KLHDC4: variants seen among roughly 807,000 people sequenced by gnomAD.
KLHDC4 encodes kelch domain-containing protein 4.
A neutral mutation model predicts 62.4 loss-of-function variants in KLHDC4; 90 were observed. The observed-to-expected ratio is 1.44, with a 90% confidence interval of 1.22 to 1.72. The LOEUF (loss-of-function observed/expected upper bound fraction) is 1.72, where lower values mean the gene tolerates loss of function less well. KLHDC4 is among the 40% of genes most tolerant of loss of function. The pLI is 0.00. For missense variants in KLHDC4, 1,025 were observed against 699.7 expected (o/e 1.47, Z -5.25); for synonymous variants, 386 against 284.4 (o/e 1.36, Z -3.59).
intron 5 of KLHDC4, among the ~76,000 whole-genome samples, chr16:87,735,342 T>C (rs1420782978): frequency 1.3e-5 from 2 of 148,950 alleles, no homozygotes; most frequent in Non-Finnish European, 3.0e-5. Flanking sequence ...CCAGTGTGTC[T>C]GCATCCAAGT....
intron 5 of KLHDC4, among the ~76,000 whole-genome samples, chr16:87,733,729 C>T (rs2040800417): frequency 7.2e-6 from 1 of 138,704 alleles, no homozygotes. Flanking sequence ...GGGATCCTCA[C>T]TGATGACCTG....
At position 87,748,766 on chromosome 16, in the gene KLHDC4, C is replaced by G. The variant is rs759230313; in HGVS notation, c.413G>C (p.Gly138Ala). ...TCCGTTGGGAGAGGCAAACTCCCCTCCAAAGACCCACAGCTGTCCGCCACC... is the reference window on the plus strand; with the variant it reads ...TCCGTTGGGAGAGGCAAACTCCCCTGCAAAGACCCACAGCTGTCCGCCACC... ...PQGGGQLWVF[G>A]GEFASPNGEQ... Residue 138 changes from glycine (G) to alanine (A), a missense_variant, in exon 5 of 12, where the codon GGA (glycine) becomes GCA (alanine). Transcript: ENST00000270583. 2 of 1,613,388 alleles carry G rather than the reference C, an allele frequency of 1.2e-6. No individual in the cohort carries two copies. The highest frequency in any genetic ancestry group is 2.7e-5 in the African/African-American group (2 of 74,752).
chr16:87,756,933 C>T (rs1331925077), intron 2 of KLHDC4, among the ~76,000 whole-genome samples: 1 of 151,952 alleles, frequency 6.6e-6, no homozygotes, highest in Non-Finnish European at 1.5e-5. Flanking sequence ...CCTGCCTCAG[C>T]CCTCCGAGTG....
chr16:87,703,603 C>G (rs568849642), downstream of KLHDC4, among the ~76,000 whole-genome samples: 5 of 152,378 alleles, frequency 3.3e-5, no homozygotes, highest in Non-Finnish European at 7.3e-5. Flanking sequence ...ACCTGCGCTT[C>G]TCACCCCTCA....
Position 87,751,999 on chromosome 16 carries a change from C to T in KLHDC4, c.370-3190G>A, listed in dbSNP as rs2044048282. Among the ~76,000 whole-genome samples, 5 of 137,132 alleles carry T rather than the reference C, an allele frequency of 3.6e-5. No homozygotes were observed. In the South Asian group the frequency reaches 9.3e-4, roughly 25 times the overall value. 90.0% of individuals were successfully genotyped at this position (137,132 alleles called of 152,430 possible). A position where few individuals can be genotyped will look rare whatever the true frequency, so the allele number is the denominator to read the frequency against. ...CTGAGGCAGGAGAATGGCATGAACC[C>T]GGGAGGCATGAACCCGGGAGGCGGA... is the stretch of plus-strand genomic sequence containing the variant. On this transcript the variant is annotated intron_variant, in intron 4 of 11. Coordinates refer to ENST00000270583, the MANE Select transcript of KLHDC4 (RefSeq NM_017566.4).
At chr16:87,718,940 G>A (rs563308419) in intron 7 of KLHDC4, among the ~76,000 whole-genome samples, 11 of 149,028 alleles carry the variant, frequency 7.4e-5, no homozygotes, top group South Asian at 2.1e-4. Flanking sequence ...GGTGAGGAGC[G>A]TCTCTGCCCG....
chr16:87,751,643 G>T (rs888209989), intron 4 of KLHDC4, among the ~76,000 whole-genome samples: 1 of 152,134 alleles, frequency 6.6e-6, no homozygotes, highest in Admixed American at 6.5e-5. Flanking sequence ...TCCTGGCCAG[G>T]TGCAGTGGCT....
chr16:87,709,116 G>A (rs532525599), intron 10 of KLHDC4, 149 bp downstream of exon 10: 131 of 1,045,524 alleles, frequency 1.3e-4, no homozygotes, highest in South Asian at 3.9e-4. Context: ...CCTGTTCTCC[G>A]TCAATCTGAC....
intron 7 of KLHDC4, among the ~76,000 whole-genome samples, chr16:87,716,215 T>C (rs538539065): frequency 4.0e-4 from 61 of 152,154 alleles, no homozygotes; most frequent in African/African-American, 1.1e-3. Context: ...CTTGTGGATA[T>C]TGACGTAGAC....
intron 11 of KLHDC4, 28 bp downstream of exon 11, chr16:87,708,322 C>A: frequency 6.9e-7 from 1 of 1,447,342 alleles, no homozygotes; most frequent in African/African-American, 1.4e-5. Context: ...CCAGCAGCCG[C>A]GCCACCCGCC....
At chr16:87,706,373 G>C (rs940854514), downstream of KLHDC4, among the ~76,000 whole-genome samples, 1 of 135,348 alleles carries the variant, frequency 7.4e-6, no homozygotes, top group Admixed American at 7.5e-5. Context: ...CAGCCCTTGG[G>C]GGGGTCGGCG....
chr16:87,712,776 C>T (rs1274549828), intron 8 of KLHDC4, among the ~76,000 whole-genome samples: 1 of 152,354 alleles, frequency 6.6e-6, no homozygotes, highest in Non-Finnish European at 1.5e-5. Flanking sequence ...GGTAAAAACA[C>T]TTTGCACAAT....
Position 87,756,494 on chromosome 16 carries a change from C to T in KLHDC4, c.192-17G>A, listed in dbSNP as rs151094504. ...GCATTTAACCTACAAGACACACAAGCGGCAGGTCAGCAAGATCACCCCCGA... is the reference window on the plus strand; with the variant it reads ...GCATTTAACCTACAAGACACACAAGTGGCAGGTCAGCAAGATCACCCCCGA... On this transcript the variant is annotated splice_polypyrimidine_tract_variant and intron_variant, in intron 2 of 11. Transcript: ENST00000270583. The T allele has an allele frequency of 7.5e-6, 12 of 1,605,648 alleles. No individual in the cohort carries two copies. The African/African-American group carries it at 1.1e-4, about 14-fold the overall frequency.
intron 7 of KLHDC4, among the ~76,000 whole-genome samples, chr16:87,717,386 GA>G (rs947236667): frequency 2.0e-5 from 3 of 151,718 alleles, no homozygotes; most frequent in Admixed American, 2.0e-4. Context: ...TACTATAATG[GA>G]AAAAAAACAT....
chr16:87,749,981 G>C (rs544142657), intron 4 of KLHDC4, among the ~76,000 whole-genome samples: 4 of 152,176 alleles, frequency 2.6e-5, no homozygotes, highest in Non-Finnish European at 5.9e-5. Flanking sequence ...AAAGCACTCC[G>C]GCAGCAGGGG....
At chr16:87,762,369 G>C (rs1039624905) in intron 1 of KLHDC4, among the ~76,000 whole-genome samples, 1 of 152,048 alleles carries the variant, frequency 6.6e-6, no homozygotes, top group Non-Finnish European at 1.5e-5. Context: ...ACCCAGACTC[G>C]AGCCGTCGCA....
chr16:87,700,813 C>T, exon 1 of KLHDC4: 1 of 68,824 alleles, frequency 1.5e-5, no homozygotes, highest in Non-Finnish European at 2.6e-5. Context: ...GAGGAGGTTG[C>T]AGGGCAGAGG....
chr16:87,743,601 G>T (rs141878049), intron 5 of KLHDC4, among the ~76,000 whole-genome samples: 2 of 152,038 alleles, frequency 1.3e-5, no homozygotes, highest in East Asian at 3.9e-4. Context: ...TTAGCCAGGC[G>T]TGGTGGCGGG....
At chr16:87,755,319 G>A (rs915670350) in intron 3 of KLHDC4, 27 bp from the exon 4 acceptor site, 3 of 1,228,108 alleles carry the variant, frequency 2.4e-6, no homozygotes, top group Admixed American at 1.7e-5. Context: ...GAATGTCAGT[G>A]TCACAAATGA....
Sources: allele counts gnomAD v4.1 joint callset (sites outside exome capture counted in the v4.1 genomes callset), GRCh38; gene constraint gnomAD v4.1.1; transcripts MANE v1.5; gene names NCBI Gene and HGNC (gene_info 2026-07-23, HGNC 2026-07-21).